UBE2H: variants seen among roughly 807,000 people sequenced by gnomAD.
UBE2H encodes ubiquitin conjugating enzyme E2 H, also known as ubiquitin-conjugating enzyme E2 H.
Under a neutral mutation model 29.0 loss-of-function variants are expected in UBE2H, and 3 were observed. The observed-to-expected ratio is 0.10, with a 90% CI of 0.05 to 0.27. The LOEUF (loss-of-function observed/expected upper bound fraction) is 0.27, where lower values mean the gene tolerates loss of function less well. Ranked by LOEUF, UBE2H falls within the 10% of genes least tolerant of loss-of-function variation. UBE2H has a pLI of 1.00. For missense variants in UBE2H, 68 were observed against 228.2 expected (o/e 0.30, Z 4.52); for synonymous variants, 69 against 82.9 (o/e 0.83, Z 0.91).
intron 2 of UBE2H, among the ~76,000 whole-genome samples, chr7:129,880,342 A>G (rs1003851528): frequency 2.0e-5 from 3 of 152,092 alleles, no homozygotes; most frequent in Non-Finnish European, 4.4e-5. Context: ...CCCTGTCTCT[A>G]CTAAAATACA....
At chr7:129,949,408 G>A (rs1278986314) in intron 1 of UBE2H, among the ~76,000 whole-genome samples, 1 of 149,708 alleles carries the variant, frequency 6.7e-6, no homozygotes, top group Non-Finnish European at 1.5e-5. Context: ...ATAGGATCTG[G>A]GCTAACTGCA....
At chr7:129,920,818 C>A (rs2693741) in intron 1 of UBE2H, among the ~76,000 whole-genome samples, 137,511 of 142,462 alleles carry the variant, frequency 0.97, 66,336 homozygotes, top group East Asian at 1. Flanking sequence ...TCATTGAAAA[C>A]AATGTAATAA....
At chr7:129,884,898 T>G (rs544337941) in intron 1 of UBE2H, among the ~76,000 whole-genome samples, 2 of 152,168 alleles carry the variant, frequency 1.3e-5, no homozygotes, top group East Asian at 3.9e-4. Flanking sequence ...AAATGACTTA[T>G]AAGCCATTTA....
chr7:129,928,857 T>TA (rs900136848), intron 1 of UBE2H, among the ~76,000 whole-genome samples: 12 of 152,148 alleles, frequency 7.9e-5, no homozygotes, highest in Admixed American at 3.3e-4. Flanking sequence ...CTCTGCATAT[T>TA]AAAAAAGATA....
At chr7:129,856,938 C>CTCTTTATAA (rs1395837981) in intron 5 of UBE2H, 1 of 152,158 alleles carries the variant, frequency 6.6e-6, no homozygotes, top group Non-Finnish European at 1.5e-5. Context: ...GGAGGAAAGG[C>CTCTTTATAA]CTGATGCTCT....
chr7:129,871,331 T>C (rs1301353791), intron 3 of UBE2H, among the ~76,000 whole-genome samples: 2 of 152,226 alleles, frequency 1.3e-5, no homozygotes, highest in East Asian at 3.8e-4. Flanking sequence ...TAACAATGGC[T>C]TATATTCTCA....
chr7:129,839,448 T>G (rs746831576), intron 5 of UBE2H, 113 bp from the exon 6 acceptor site: 1 of 1,422,114 alleles, frequency 7.0e-7, no homozygotes, highest in Non-Finnish European at 9.6e-7. Flanking sequence ...GGGATGATTC[T>G]CCATACGAGT....
intron 1 of UBE2H, among the ~76,000 whole-genome samples, chr7:129,895,718 G>C (rs1434604198): frequency 6.6e-6 from 1 of 152,066 alleles, no homozygotes; most frequent in Non-Finnish European, 1.5e-5. Context: ...GGCTAACACA[G>C]TGAAACCCCG....
At chr7:129,905,172 G>A (rs184965413) in intron 1 of UBE2H, among the ~76,000 whole-genome samples, 37 of 151,910 alleles carry the variant, frequency 2.4e-4, no homozygotes, top group Middle Eastern at 3.4e-3. Context: ...TCATAAAAGG[G>A]TCACCCCTGC....
chr7:129,918,886 C>T (rs1380069707), intron 1 of UBE2H, among the ~76,000 whole-genome samples: 3 of 151,980 alleles, frequency 2.0e-5, no homozygotes, highest in Non-Finnish European at 2.9e-5. Flanking sequence ...AGTTTGAAAT[C>T]AGCCTGGGCA....
At chr7:129,922,191 T>C (rs1807177165) in intron 1 of UBE2H, among the ~76,000 whole-genome samples, 1 of 151,972 alleles carries the variant, frequency 6.6e-6, no homozygotes, top group African/African-American at 2.4e-5. Flanking sequence ...TTCTGCCATG[T>C]TGGCCAGGCT....
At position 129,832,751 on chromosome 7, in the gene UBE2H, A is replaced by AT. The variant is rs55634556; in HGVS notation, c.*2185dup. 0.062 allele frequency: 9,407 copies of AT among 151,502 alleles called. 365 individuals carry two copies. Among genetic ancestry groups the AT allele is most frequent in the Non-Finnish European group, 0.092 (6,213 of 67,784 alleles). The allele number at this position is 151,502 out of a possible 1,614,324, so 9.4% of individuals were successfully genotyped here. A position where few individuals can be genotyped will look rare whatever the true frequency, so the allele number is the denominator to read the frequency against. ...CAAAAGCAATTCTTAACTGGTCATTATTTTTTTTTAAGGTAATTAGAACAC... is the reference window on the plus strand; with the variant it reads ...CAAAAGCAATTCTTAACTGGTCATTATTTTTTTTTTAAGGTAATTAGAACAC... On this transcript the variant is annotated 3_prime_UTR_variant, in exon 7 of 7. Transcript: ENST00000355621.
intron 1 of UBE2H, among the ~76,000 whole-genome samples, chr7:129,884,416 C>CA (rs769298737): frequency 0.1 from 8,493 of 82,148 alleles, 440 homozygotes; most frequent in East Asian, 0.36. Flanking sequence ...GACTCCATCT[C>CA]AAAAAAAAAA....
intron 1 of UBE2H, among the ~76,000 whole-genome samples, chr7:129,949,587 C>T (rs1469349597): frequency 6.6e-6 from 1 of 152,092 alleles, no homozygotes; most frequent in Non-Finnish European, 1.5e-5. Context: ...TGCATTGGTG[C>T]AAAACACTCA....
In UBE2H at chr7:129,834,855, GCTTT is replaced by G. The variant is rs1196689809; in HGVS notation, c.*78_*81del. On this transcript the variant is annotated 3_prime_UTR_variant, in exon 7 of 7. Transcript: ENST00000355621. ...ACCTTGTTTAGTAATAAAAAAAATT[GCTTT>G]GTTTAAATATGAATATTATAGTCTG... 4 of 1,530,562 alleles carry G rather than the reference GCTTT, an allele frequency of 2.6e-6. No individual in the cohort carries two copies. Among genetic ancestry groups the G allele is most frequent in the Non-Finnish European group, 3.5e-6 (4 of 1,139,152 alleles). The allele number at this position is 1,530,562 out of a possible 1,614,324, so 94.8% of individuals were successfully genotyped here. A position where few individuals can be genotyped will look rare whatever the true frequency, so the allele number is the denominator to read the frequency against.
chr7:129,861,338 A>C (rs1220676814), intron 3 of UBE2H, among the ~76,000 whole-genome samples: 1 of 152,228 alleles, frequency 6.6e-6, no homozygotes, highest in Non-Finnish European at 1.5e-5. Flanking sequence ...ACTGAAAGTA[A>C]GTACAAATGT....
chr7:129,898,875 G>T (rs998249311), intron 1 of UBE2H, among the ~76,000 whole-genome samples: 1 of 145,010 alleles, frequency 6.9e-6, no homozygotes, highest in South Asian at 2.3e-4. Context: ...TTTCCACCCC[G>T]CAACTTCTAG....
intron 1 of UBE2H, chr7:129,948,956 T>C (rs1396974934): frequency 4.4e-6 from 2 of 456,524 alleles, no homozygotes; most frequent in South Asian, 3.1e-5. Context: ...TCTTGTCACA[T>C]ACTCCATCAG....
rs1806218244 is a variant in UBE2H, at chr7:129,879,787, G to A, written c.131-145C>T. ...AGTCAGGGACCTACTACAATCAATA[G>A]GTGTACCACGTTCAGATTAAGATAC... On this transcript the variant is annotated intron_variant, in intron 2 of 6. Transcript: ENST00000355621. The A allele has an allele frequency of 4.6e-6, 3 of 652,182 alleles. No individual in the cohort carries two copies. In the East Asian group the frequency reaches 8.1e-5, roughly 18 times the overall value. 40.4% of individuals were successfully genotyped at this position (652,182 alleles called of 1,614,324 possible). A position where few individuals can be genotyped will look rare whatever the true frequency, so the allele number is the denominator to read the frequency against.
Sources: gnomAD v4.1 joint callset for allele counts (sites outside exome capture counted in the v4.1 genomes callset) on GRCh38, gnomAD v4.1.1 for gene constraint, MANE v1.5 for transcripts, NCBI Gene and HGNC (gene_info 2026-07-23, HGNC 2026-07-21) for gene names.